The following ZFYVE9 variants were observed in gnomAD, a reference collection of about 807,000 sequenced individuals.
ZFYVE9 encodes the protein zinc finger FYVE-type containing 9, also known as zinc finger FYVE domain-containing protein 9.
In ZFYVE9, 43 loss-of-function variants were observed where a neutral mutation model predicts 126.7. The ratio of observed to expected loss-of-function variants is 0.34; its 90% confidence interval spans 0.27 to 0.44. ZFYVE9 has a LOEUF of 0.44. Ranked by LOEUF, ZFYVE9 falls within the 20% of genes least tolerant of loss-of-function variation. The probability of loss-of-function intolerance (pLI) is 1.00; values close to 1 mark genes in which losing one functional copy is unlikely to be tolerated. For synonymous variants in ZFYVE9, 521 were observed against 597.4 expected (o/e 0.87, Z 1.87); for missense variants, 1,476 against 1,697.0 (o/e 0.87, Z 2.29).
intron 7 of ZFYVE9, 143 bp from the exon 8 acceptor site, chr1:52,274,321 A>G (rs1430984718): frequency 9.9e-7 from 1 of 1,013,644 alleles, no homozygotes; most frequent in African/African-American, 1.6e-5. Context: ...TTTTTAATCC[A>G]TGGGTTAATG....
chr1:52,316,569 A>T (rs1308623495), intron 13 of ZFYVE9, among the ~76,000 whole-genome samples: 4 of 152,176 alleles, frequency 2.6e-5, no homozygotes, highest in African/African-American at 9.7e-5. Flanking sequence ...TATCTAGGTT[A>T]TTTCAGAACA....
intron 1 of ZFYVE9, among the ~76,000 whole-genome samples, chr1:52,172,576 A>G (rs888077108): frequency 9.9e-5 from 15 of 152,164 alleles, no homozygotes; most frequent in African/African-American, 3.4e-4. Context: ...CATTGAATCT[A>G]TAAATTACCT....
chr1:52,264,645 G>A (rs1645615603), intron 5 of ZFYVE9, among the ~76,000 whole-genome samples: 1 of 152,202 alleles, frequency 6.6e-6, no homozygotes, highest in African/African-American at 2.4e-5. Context: ...GACATAAAAT[G>A]TTGAACTTGA....
chr1:52,162,625 CTCTG>C (rs1053598802), intron 1 of ZFYVE9: 3 of 264,764 alleles, frequency 1.1e-5, no homozygotes, highest in African/African-American at 2.3e-5. Flanking sequence ...TCACGAAGAT[CTCTG>C]TCTGTTGTGT....
chr1:52,336,947 TAAAAA>T (rs71041896), intron 15 of ZFYVE9, among the ~76,000 whole-genome samples: 2 of 107,872 alleles, frequency 1.9e-5, no homozygotes, highest in African/African-American at 7.3e-5. Context: ...AGTCATCTCT[TAAAAA>T]AAAAAAAAAA....
At chr1:52,275,522 C>T (rs1348101418) in intron 8 of ZFYVE9, among the ~76,000 whole-genome samples, 3 of 152,124 alleles carry the variant, frequency 2.0e-5, no homozygotes, top group African/African-American at 7.2e-5. Context: ...TATACATGTC[C>T]CCTTTTCTCC....
chr1:52,298,415 A>G (rs1367153951), intron 12 of ZFYVE9, among the ~76,000 whole-genome samples: 4 of 152,170 alleles, frequency 2.6e-5, no homozygotes, highest in Admixed American at 2.6e-4. Flanking sequence ...TCCTTTCTGC[A>G]GTGTGTGTTC....
At chr1:52,305,429 C>CA (rs1646073636) in intron 13 of ZFYVE9, among the ~76,000 whole-genome samples, 1 of 152,072 alleles carries the variant, frequency 6.6e-6, no homozygotes, top group Admixed American at 6.5e-5. Context: ...AACTCTGTCT[C>CA]AAAAAAACAA....
chr1:52,250,638 A>G (rs1645434947), intron 4 of ZFYVE9, among the ~76,000 whole-genome samples: 1 of 151,726 alleles, frequency 6.6e-6, no homozygotes, highest in African/African-American at 2.4e-5. Flanking sequence ...CTAAATTTCC[A>G]ATACTATGTT....
At position 52,263,755 on chromosome 1, in the gene ZFYVE9, C is replaced by CCG. The variant is rs777384450; in HGVS notation, c.2179-17_2179-16insGC. 5 of 418,954 alleles carry CCG rather than the reference C, an allele frequency of 1.2e-5. No homozygotes were observed. The highest frequency in any genetic ancestry group is 1.9e-5 in the Non-Finnish European group (5 of 266,942). The allele number at this position is 418,954 out of a possible 1,614,324, so 26.0% of individuals were successfully genotyped here. A position where few individuals can be genotyped will look rare whatever the true frequency, so the allele number is the denominator to read the frequency against. On this transcript the variant is annotated splice_polypyrimidine_tract_variant and intron_variant, in intron 4 of 18. Coordinates refer to ENST00000287727, the MANE Select transcript of ZFYVE9 (RefSeq NM_004799.4). ...CCCAAGTAAATTTTGTGTGTTCTTC[C>CCG]CCCCCCCCCCCCCACAGGTTTTCTG...
At chr1:52,166,679 A>G (rs1644516941) in intron 1 of ZFYVE9, among the ~76,000 whole-genome samples, 1 of 152,088 alleles carries the variant, frequency 6.6e-6, no homozygotes, top group Non-Finnish European at 1.5e-5. Context: ...TGAGGAGGCC[A>G]AGGTAGGAGC....
chr1:52,271,868 T>A (rs1233101816), intron 7 of ZFYVE9, among the ~76,000 whole-genome samples: 1 of 152,186 alleles, frequency 6.6e-6, no homozygotes, highest in African/African-American at 2.4e-5. Context: ...AGTCAGAGTT[T>A]TGCTCTTGTT....
At chr1:52,216,116 A>G (rs1231627251) in intron 1 of ZFYVE9, among the ~76,000 whole-genome samples, 1 of 152,188 alleles carries the variant, frequency 6.6e-6, no homozygotes. Flanking sequence ...GATGTTTCTC[A>G]CTTTGCATTA....
At chr1:52,229,844 C>A (rs996848691) in intron 2 of ZFYVE9, among the ~76,000 whole-genome samples, 62 of 150,482 alleles carry the variant, frequency 4.1e-4, no homozygotes, top group Non-Finnish European at 1.5e-4. Context: ...GTCAAACAAC[C>A]AGGAAAGATT....
At chr1:52,180,069 C>T in intron 1 of ZFYVE9, 1 of 849,702 alleles carries the variant, frequency 1.2e-6, no homozygotes. Context: ...ACAGCAGAGA[C>T]TGGCTGAGTG....
chr1:52,172,564 G>A (rs1644583491), intron 1 of ZFYVE9, among the ~76,000 whole-genome samples: 1 of 152,044 alleles, frequency 6.6e-6, no homozygotes, highest in African/African-American at 2.4e-5. Context: ...TGATGGGGAT[G>A]GCATTGAATC....
intron 4 of ZFYVE9, among the ~76,000 whole-genome samples, chr1:52,258,138 A>T (rs1308245597): frequency 6.6e-6 from 1 of 152,222 alleles, no homozygotes; most frequent in Non-Finnish European, 1.5e-5. Flanking sequence ...TATTAAAAAT[A>T]ATTTAGCTCA....
chr1:52,296,079 AAGGC>A, intron 12 of ZFYVE9, 102 bp downstream of exon 12: 1 of 911,734 alleles, frequency 1.1e-6, no homozygotes, highest in Non-Finnish European at 1.7e-6. Context: ...CAAGCTGCTT[AAGGC>A]AGGTAAAGAT....
intron 4 of ZFYVE9, 41 bp from the exon 5 acceptor site, chr1:52,263,732 C>G: frequency 8.6e-7 from 1 of 1,164,614 alleles, no homozygotes; most frequent in Admixed American, 2.1e-5. Flanking sequence ...ATGGCAATCC[C>G]AAGTAAATTT....
Sources: allele counts gnomAD v4.1 joint callset (sites outside exome capture counted in the v4.1 genomes callset), GRCh38; gene constraint gnomAD v4.1.1; transcripts MANE v1.5; gene names NCBI Gene and HGNC (gene_info 2026-07-23, HGNC 2026-07-21).